PPP2R5A: variants seen among roughly 807,000 people sequenced by gnomAD.
PPP2R5A encodes serine/threonine-protein phosphatase 2A 56 kDa regulatory subunit alpha isoform.
Under a neutral mutation model 64.2 loss-of-function variants are expected in PPP2R5A, and 25 were observed. The observed-to-expected ratio is 0.39, with a 90% confidence interval of 0.28 to 0.54. The LOEUF (loss-of-function observed/expected upper bound fraction) is 0.54. PPP2R5A is among the 20% of genes least tolerant of loss of function. The probability of loss-of-function intolerance (pLI) is 0.67; values close to 1 mark genes in which losing one functional copy is unlikely to be tolerated. For missense variants in PPP2R5A, 425 were observed against 576.3 expected (o/e 0.74, Z 2.69); for synonymous variants, 198 against 201.2 (o/e 0.98, Z 0.13).
rs200380075 is a variant in PPP2R5A at position 212,305,138 on chromosome 1, G to A, written c.181+18847G>A. 3.7e-4 allele frequency among the ~76,000 whole-genome samples: 54 copies of A among 147,390 alleles called. No individual in the cohort carries two copies. In the East Asian group the frequency reaches 9.4e-3, roughly 26 times the overall value. On this transcript the variant is annotated intron_variant, in intron 1 of 12. Transcript: ENST00000261461. ...TGCAAGCTCCGCCTCCCGGGTTCAC[G>A]CCATTCTCCTGCCTCAGCCTCCCAA...
chr1:212,353,466 AG>A (rs1659923426), intron 8 of PPP2R5A, among the ~76,000 whole-genome samples: 1 of 152,196 alleles, frequency 6.6e-6, no homozygotes, highest in Admixed American at 6.5e-5. Context: ...TGCCAACCAA[AG>A]GAGCCTGCTA....
chr1:212,344,470 ATG>A (rs1659739008), intron 4 of PPP2R5A, among the ~76,000 whole-genome samples: 1 of 152,200 alleles, frequency 6.6e-6, no homozygotes. Context: ...TTTCAGATGC[ATG>A]TGTTAGCAAT....
intron 8 of PPP2R5A, among the ~76,000 whole-genome samples, chr1:212,350,666 GA>G: frequency 6.7e-6 from 1 of 149,242 alleles, no homozygotes; most frequent in South Asian, 2.2e-4. Flanking sequence ...AAAAAAAAAA[GA>G]AAAAAGTAAA....
At chr1:212,352,902 T>C (rs1429096142) in intron 8 of PPP2R5A, 3 of 519,248 alleles carry the variant, frequency 5.8e-6, no homozygotes, top group South Asian at 4.2e-5. Flanking sequence ...TTGATGGTCA[T>C]AGTTCTGTTT....
At chr1:212,325,703 T>A (rs1241066561) in intron 1 of PPP2R5A, among the ~76,000 whole-genome samples, 1 of 152,086 alleles carries the variant, frequency 6.6e-6, no homozygotes, top group Non-Finnish European at 1.5e-5. Flanking sequence ...GGGATATAGA[T>A]ATCTTTGAAA....
chr1:212,338,324 G>A (rs1221756190), intron 3 of PPP2R5A, among the ~76,000 whole-genome samples: 2 of 152,282 alleles, frequency 1.3e-5, no homozygotes, highest in Non-Finnish European at 2.9e-5. Flanking sequence ...GTGTACAGAA[G>A]TAGAAGGACT....
chr1:212,333,613 T>C lies in PPP2R5A; in HGVS notation c.480+15T>C, dbSNP rs765506192. 2.9e-6 allele frequency: 4 copies of C among 1,398,826 alleles called. No individual in the cohort carries two copies. The highest frequency in any genetic ancestry group is 2.7e-5 in the South Asian group (2 of 73,430). The allele number at this position is 1,398,826 out of a possible 1,614,324, so 86.7% of individuals were successfully genotyped here. A position where few individuals can be genotyped will look rare whatever the true frequency, so the allele number is the denominator to read the frequency against. ...CTCACATACAGGTATGGAACATAAT[T>C]ACGTATTGGCAGTTTTTATATTTAT... On this transcript the variant is annotated intron_variant, in intron 3 of 12. Coordinates refer to ENST00000261461, the MANE Select transcript of PPP2R5A (RefSeq NM_006243.4).
chr1:212,314,367 A>G (rs61828726), intron 1 of PPP2R5A, among the ~76,000 whole-genome samples: 11 of 152,028 alleles, frequency 7.2e-5, no homozygotes, highest in Admixed American at 5.2e-4. Flanking sequence ...AAATTGAGAA[A>G]GGTAGTTTTT....
intron 8 of PPP2R5A, among the ~76,000 whole-genome samples, chr1:212,350,116 T>C (rs1659850018): frequency 6.6e-6 from 1 of 152,220 alleles, no homozygotes; most frequent in African/African-American, 2.4e-5. Flanking sequence ...ATATGTATTT[T>C]TACTATATTA....
intron 1 of PPP2R5A, chr1:212,302,028 C>A (rs1199956447): frequency 6.6e-7 from 1 of 1,520,376 alleles, no homozygotes; most frequent in African/African-American, 1.4e-5. Flanking sequence ...GTTATCACCT[C>A]AGAAGTTTAG....
chr1:212,316,591 T>G (rs1207589904), intron 1 of PPP2R5A, among the ~76,000 whole-genome samples: 4 of 137,540 alleles, frequency 2.9e-5, no homozygotes, highest in African/African-American at 1.1e-4. Flanking sequence ...GGGTGACTTT[T>G]TTTTTTTTTT....
intron 1 of PPP2R5A, among the ~76,000 whole-genome samples, chr1:212,291,239 C>G (rs967652853): frequency 6.6e-6 from 1 of 152,032 alleles, no homozygotes; most frequent in Non-Finnish European, 1.5e-5. Context: ...ACCACCATGC[C>G]AAGCTAATTT....
chr1:212,347,330 C>A lies in PPP2R5A; in HGVS notation c.705-17C>A. ...AAGTTTGATTTTGATTACATCTTGTCTTTATTTTAAATTCAGGTTTATATA... is the reference window on the plus strand; with the variant it reads ...AAGTTTGATTTTGATTACATCTTGTATTTATTTTAAATTCAGGTTTATATA... On this transcript the variant is annotated splice_polypyrimidine_tract_variant and intron_variant, in intron 5 of 12. Coordinates refer to ENST00000261461, the MANE Select transcript of PPP2R5A (RefSeq NM_006243.4). 6.6e-7 allele frequency: 1 copy of A among 1,524,800 alleles called. No individual in the cohort carries two copies. The highest frequency in any genetic ancestry group is 1.2e-5 in the South Asian group (1 of 85,402). 94.5% of individuals were successfully genotyped at this position (1,524,800 alleles called of 1,614,324 possible). A position where few individuals can be genotyped will look rare whatever the true frequency, so the allele number is the denominator to read the frequency against.
At chr1:212,335,456 CAA>C (rs1396307170) in intron 3 of PPP2R5A, among the ~76,000 whole-genome samples, 3 of 136,296 alleles carry the variant, frequency 2.2e-5, no homozygotes, top group Non-Finnish European at 4.7e-5. Context: ...GCCTGGGCAA[CAA>C]GAGAGAAACT....
intron 1 of PPP2R5A, 40 bp downstream of exon 1, chr1:212,286,331 G>T (rs1044435169): frequency 2.0e-5 from 29 of 1,426,260 alleles, no homozygotes; most frequent in Non-Finnish European, 2.7e-5. Flanking sequence ...GAGCGCAGGG[G>T]CTGGCAACGC....
rs146212524 is a variant in PPP2R5A at position 212,355,260 on chromosome 1, TACTC to T, written c.928-1361_928-1358del. Among the ~76,000 whole-genome samples the T allele has an allele frequency of 8.1e-3, 1,236 of 152,278 alleles. 17 individuals are homozygous for T. The highest frequency in any genetic ancestry group is 0.027 in the African/African-American group (1,126 of 41,548). On this transcript the variant is annotated intron_variant, in intron 8 of 12. Coordinates refer to ENST00000261461, the MANE Select transcript of PPP2R5A (RefSeq NM_006243.4). ...AATGTGGCCACATACTGAATTTTCC[TACTC>T]ACTCTAGTAACTTGCAGGGTTTTTT...
At chr1:212,295,660 GGAGA>G (rs1053832953) in intron 1 of PPP2R5A, among the ~76,000 whole-genome samples, 7 of 152,152 alleles carry the variant, frequency 4.6e-5, no homozygotes, top group African/African-American at 1.7e-4. Context: ...AAAGAAGACA[GGAGA>G]GAGTGGAGAC....
chr1:212,339,313 G>C (rs919762711), intron 3 of PPP2R5A, among the ~76,000 whole-genome samples: 1 of 152,088 alleles, frequency 6.6e-6, no homozygotes, highest in African/African-American at 2.4e-5. Context: ...AAGTAGCTGG[G>C]ATTACAGGCA....
chr1:212,358,870 C>A, intron 12 of PPP2R5A, 83 bp downstream of exon 12: 3 of 1,086,528 alleles, frequency 2.8e-6, no homozygotes, highest in Non-Finnish European at 4.0e-6. Context: ...TATCTTCTCT[C>A]AGTTCAGATT....
Sources: gnomAD v4.1 joint callset for allele counts (sites outside exome capture counted in the v4.1 genomes callset) on GRCh38, gnomAD v4.1.1 for gene constraint, MANE v1.5 for transcripts, NCBI Gene and HGNC (gene_info 2026-07-23, HGNC 2026-07-21) for gene names.